Variants in PTPN18 observed in about 807,000 individuals in gnomAD.
PTPN18 encodes the protein protein tyrosine phosphatase non-receptor type 18.
A neutral mutation model predicts 65.4 loss-of-function variants in PTPN18; 65 were observed. The observed-to-expected ratio is 0.99, with a 90% confidence interval of 0.81 to 1.22. The LOEUF is 1.22. Ranked by LOEUF, PTPN18 falls within the 50% of genes most tolerant of loss-of-function variation. The probability of loss-of-function intolerance (pLI) is 0.00; values close to 1 mark genes in which losing one functional copy is unlikely to be tolerated. For missense variants in PTPN18, 616 were observed against 646.5 expected (o/e 0.95, Z 0.51); for synonymous variants, 255 against 267.8 (o/e 0.95, Z 0.47).
chr2:130,372,773 C>T, intron 13 of PTPN18, 100 bp from the exon 14 acceptor site: 1 of 1,420,586 alleles, frequency 7.0e-7, no homozygotes, highest in African/African-American at 1.4e-5. Flanking sequence ...GCCCTCGGCT[C>T]TCCCCTTCGG....
chr2:130,369,248 T>C, intron 6 of PTPN18, 47 bp downstream of exon 6: 1 of 1,551,290 alleles, frequency 6.4e-7, no homozygotes, highest in Non-Finnish European at 8.9e-7. Flanking sequence ...TGGAAAGGCT[T>C]TGGGTTGGGC....
rs371739121 is a variant in PTPN18, at chr2:130,358,888, G to A, written c.115G>A (p.Ala39Thr). 33 of 1,613,372 alleles carry A rather than the reference G, an allele frequency of 2.0e-5. No individual in the cohort carries two copies. The highest frequency in any genetic ancestry group is 1.6e-4 in the Middle Eastern group (1 of 6,080). The change falls in exon 2 of 15, where the codon GCC becomes ACC. Residue 39 changes from alanine (A) to threonine (T), a missense_variant. Transcript: ENST00000175756. ...CCAGGACATCCAGGCCTGCTCGGCCGCCTGGAAGGCTGACGGCGTGTGCTC... is the reference window on the plus strand; with the variant it reads ...CCAGGACATCCAGGCCTGCTCGGCCACCTGGAAGGCTGACGGCGTGTGCTC... ...EFSDIQACSAAWKADGVCSTV... is the reference protein window; with the variant it reads ...EFSDIQACSATWKADGVCSTV...
At chr2:130,371,917 G>T (rs891733995) in intron 12 of PTPN18, 1 of 273,380 alleles carries the variant, frequency 3.7e-6, no homozygotes, top group Non-Finnish European at 6.9e-6. Flanking sequence ...CCTTCGCAGC[G>T]GAGACTTAAG....
At chr2:130,363,879 A>G (rs991783581) in intron 5 of PTPN18, among the ~76,000 whole-genome samples, 2 of 151,522 alleles carry the variant, frequency 1.3e-5, no homozygotes, top group Non-Finnish European at 2.9e-5. Context: ...CAGTGGCAGC[A>G]TCATTTTACA....
At position 130,373,231 on chromosome 2, in the gene PTPN18, C is replaced by T; in HGVS notation, c.*7C>T. On this transcript the variant is annotated 3_prime_UTR_variant, in exon 15 of 15. Coordinates refer to ENST00000175756, the MANE Select transcript of PTPN18 (RefSeq NM_014369.4). The surrounding 1 kb of genome is among the most constrained non-coding windows in gnomAD (Gnocchi z 4.1). Reference sequence around the variant, plus strand: ...TGAGTGGACCCGGGTGTAAGTCTAACGCCAGTTCCTGCCTGTTGCCTCTTG... The same window carrying T: ...TGAGTGGACCCGGGTGTAAGTCTAATGCCAGTTCCTGCCTGTTGCCTCTTG... 3.8e-6 allele frequency: 6 copies of T among 1,587,602 alleles called. No individual in the cohort carries two copies. Among genetic ancestry groups the T allele is most frequent in the Non-Finnish European group, 5.1e-6 (6 of 1,168,234 alleles).
intron 6 of PTPN18, 43 bp from the exon 7 acceptor site, chr2:130,369,722 T>C: frequency 2.6e-6 from 4 of 1,514,866 alleles, no homozygotes; most frequent in African/African-American, 2.8e-5. Context: ...CTATGATCTT[T>C]GTTCTCCTCC....
chr2:130,356,490 C>T (rs1466042962), intron 1 of PTPN18: 3 of 465,668 alleles, frequency 6.4e-6, no homozygotes, highest in African/African-American at 2.1e-5. Flanking sequence ...AACCTGGCTG[C>T]GGGCGGGACA....
At chr2:130,368,849 C>T (rs574624614) in intron 5 of PTPN18, 1 of 275,802 alleles carries the variant, frequency 3.6e-6, no homozygotes, top group Admixed American at 5.3e-5. Context: ...ACCTGCCAAC[C>T]AGTGTCTGAA....
At chr2:130,370,264 G>A in intron 8 of PTPN18, 74 bp downstream of exon 8, 2 of 1,583,050 alleles carry the variant, frequency 1.3e-6, no homozygotes, top group Non-Finnish European at 1.7e-6. Flanking sequence ...CAGGGCATGG[G>A]GCTAGTCTTG....
chr2:130,369,929 T>C (rs1179296306), intron 7 of PTPN18, 102 bp downstream of exon 7: 5 of 1,542,344 alleles, frequency 3.2e-6, no homozygotes, highest in South Asian at 1.1e-5. Flanking sequence ...TCCTCAGTTA[T>C]TGTCTGGTAG....
intron 6 of PTPN18, among the ~76,000 whole-genome samples, 153 bp downstream of exon 6, chr2:130,369,354 C>T (rs534322892): frequency 6.6e-6 from 1 of 152,180 alleles, no homozygotes; most frequent in Admixed American, 6.5e-5. Flanking sequence ...ATAGGGATAG[C>T]CTTTGCATTT....
chr2:130,368,916 T>C, intron 5 of PTPN18: 1 of 480,176 alleles, frequency 2.1e-6, no homozygotes, highest in Non-Finnish European at 3.7e-6. Context: ...GAGGGTATCC[T>C]GGACTGTATT....
chr2:130,374,742 C>T lies in PTPN18; in HGVS notation c.*1518C>T, dbSNP rs997335274. ...GCCACAGTGCCCTGGGCCCCATGTC[C>T]ACCCCTGTCCTGCCCTTCTCTGGGA... is the stretch of plus-strand genomic sequence containing the variant. On this transcript the variant is annotated 3_prime_UTR_variant, in exon 15 of 15. Transcript: ENST00000175756. 10 of 468,124 alleles carry T rather than the reference C, an allele frequency of 2.1e-5. No homozygotes were observed. Among genetic ancestry groups the T allele is most frequent in the African/African-American group, 2.0e-4 (10 of 50,032 alleles). 29.0% of individuals were successfully genotyped at this position (468,124 alleles called of 1,614,324 possible). A position where few individuals can be genotyped will look rare whatever the true frequency, so the allele number is the denominator to read the frequency against.
At chr2:130,367,036 C>A (rs1032468558) in intron 5 of PTPN18, among the ~76,000 whole-genome samples, 2 of 149,552 alleles carry the variant, frequency 1.3e-5, no homozygotes, top group Non-Finnish European at 3.0e-5. Context: ...TGCCAACACA[C>A]CTAGCTAATT....
At chr2:130,356,229 C>T (rs912405090) in intron 1 of PTPN18, 29 bp downstream of exon 1, 2 of 1,298,626 alleles carry the variant, frequency 1.5e-6, no homozygotes, top group African/African-American at 1.6e-5. Flanking sequence ...CCGCGAGCGG[C>T]GCGCCCCGGC....
chr2:130,373,422 T>C lies in PTPN18; in HGVS notation c.*198T>C. ...GCTGGAGGAGGTAGCTAGGGTATAG[T>C]GGCTGGTGAGGCTGCACAGAGCAGA... On this transcript the variant is annotated 3_prime_UTR_variant, in exon 15 of 15. Transcript: ENST00000175756. This position sits in a 1 kb window ranked among gnomAD's most constrained non-coding sequence, Gnocchi z 4.1. The C allele has an allele frequency of 1.8e-6, 1 of 569,540 alleles. No individual in the cohort carries two copies. The allele number at this position is 569,540 out of a possible 1,614,324, so 35.3% of individuals were successfully genotyped here. A position where few individuals can be genotyped will look rare whatever the true frequency, so the allele number is the denominator to read the frequency against.
chr2:130,372,865 G>C lies in PTPN18; in HGVS notation c.1241-8G>C. 6.2e-7 allele frequency: 1 copy of C among 1,614,058 alleles called. No homozygotes were observed. Among genetic ancestry groups the C allele is most frequent in the Non-Finnish European group, 8.5e-7 (1 of 1,180,016 alleles). ...GGAGCTGACCCGTGGGGGGTCTGCT[G>C]CCCTCAGTTCCTGCTGACCAAAGTC... On this transcript the variant is annotated splice_polypyrimidine_tract_variant and splice_region_variant and intron_variant, in intron 13 of 14. Coordinates refer to ENST00000175756, the MANE Select transcript of PTPN18 (RefSeq NM_014369.4).
intron 13 of PTPN18, 100 bp from the exon 14 acceptor site, chr2:130,372,773 C>G (rs1245651544): frequency 2.1e-6 from 3 of 1,420,468 alleles, no homozygotes; most frequent in Non-Finnish European, 2.9e-6. Context: ...GCCCTCGGCT[C>G]TCCCCTTCGG....
intron 13 of PTPN18, 112 bp downstream of exon 13, chr2:130,372,595 G>T (rs369450429): frequency 7.9e-7 from 1 of 1,272,958 alleles, no homozygotes; most frequent in South Asian, 1.6e-5. Flanking sequence ...CCAGCCGCTA[G>T]CCTGGCCACG....
Sources: gnomAD v4.1 joint callset for allele counts (sites outside exome capture counted in the v4.1 genomes callset) on GRCh38, gnomAD v4.1.1 for gene constraint, Gnocchi (gnomAD v3.1) non-coding constraint, MANE v1.5 for transcripts, NCBI Gene and HGNC (gene_info 2026-07-23, HGNC 2026-07-21) for gene names.